JAKMIP2: variants seen among roughly 807,000 people sequenced by gnomAD.
The protein encoded by JAKMIP2 is janus kinase and microtubule-interacting protein 2.
Under a neutral mutation model 115.0 loss-of-function variants are expected in JAKMIP2, and 25 were observed. The ratio of observed to expected loss-of-function variants is 0.22; its 90% CI spans 0.16 to 0.30. The LOEUF (loss-of-function observed/expected upper bound fraction) is 0.30. Ranked by LOEUF, JAKMIP2 falls within the 10% of genes least tolerant of loss-of-function variation. The pLI, the probability that JAKMIP2 is intolerant of heterozygous loss-of-function variation, is 1.00. For synonymous variants in JAKMIP2, 334 were observed against 343.6 expected (o/e 0.97, Z 0.31); for missense variants, 642 against 957.6 (o/e 0.67, Z 4.35).
intron 21 of JAKMIP2, among the ~76,000 whole-genome samples, chr5:147,593,832 T>C (rs1755216748): frequency 1.3e-5 from 2 of 152,204 alleles, no homozygotes; most frequent in Admixed American, 6.5e-5. Flanking sequence ...TCCTATTCCA[T>C]GGTAAATAAG....
chr5:147,650,190 C>T (rs1157390634), intron 4 of JAKMIP2, 148 bp downstream of exon 4: 7 of 622,646 alleles, frequency 1.1e-5, no homozygotes, highest in Non-Finnish European at 1.4e-5. Flanking sequence ...TTAGAAAACC[C>T]TGTTCTCAAG....
rs531368022 is a variant in JAKMIP2, at chr5:147,782,720, G to A, written c.-413C>T. 2 of 586,252 alleles carry A rather than the reference G, an allele frequency of 3.4e-6. No homozygotes were observed. The highest frequency in any genetic ancestry group is 3.1e-5 in the East Asian group (1 of 32,594). 36.3% of individuals were successfully genotyped at this position (586,252 alleles called of 1,614,324 possible). ...GGGCCTCCTCCCTCTCGGAGGATGG[G>A]GTGAGCTCGGAAGCAGCCAGGAACT... On this transcript the variant is annotated 5_prime_UTR_variant, in exon 1 of 22. Coordinates refer to ENST00000616793, the MANE Select transcript of JAKMIP2 (RefSeq NM_001270941.2).
At chr5:147,605,665 G>T (rs573687663) in intron 20 of JAKMIP2, among the ~76,000 whole-genome samples, 1 of 152,172 alleles carries the variant, frequency 6.6e-6, no homozygotes, top group Admixed American at 6.6e-5. Flanking sequence ...CCAGTAATGG[G>T]TTTATAATTT....
At position 147,588,235 on chromosome 5, in the gene JAKMIP2, T is replaced by C. The variant is rs1240405091; in HGVS notation, c.*3472A>G. ...ATTGGGTCTTTTATTTATCTCAAAT[T>C]ATCTTTAGTAGTCAGTTATGTTTAT... On this transcript the variant is annotated 3_prime_UTR_variant, in exon 22 of 22. Coordinates refer to ENST00000616793, the MANE Select transcript of JAKMIP2 (RefSeq NM_001270941.2). 1.3e-5 allele frequency: 2 copies of C among 152,134 alleles called. No homozygotes were observed. The highest frequency in any genetic ancestry group is 4.8e-5 in the African/African-American group (2 of 41,444). The allele number at this position is 152,134 out of a possible 1,614,324, so 9.4% of individuals were successfully genotyped here.
intron 5 of JAKMIP2, among the ~76,000 whole-genome samples, chr5:147,647,165 G>A (rs1444954147): frequency 6.6e-6 from 1 of 151,794 alleles, no homozygotes; most frequent in Non-Finnish European, 1.5e-5. Context: ...GACTATAGTA[G>A]AATTAAGGTA....
chr5:147,683,066 A>G (rs1393923817), intron 1 of JAKMIP2, among the ~76,000 whole-genome samples: 1 of 152,228 alleles, frequency 6.6e-6, no homozygotes, highest in Non-Finnish European at 1.5e-5. Flanking sequence ...TGTCAACTTC[A>G]TTGGACATGA....
chr5:147,669,034 C>T (rs1759447799), intron 2 of JAKMIP2, among the ~76,000 whole-genome samples: 1 of 152,172 alleles, frequency 6.6e-6, no homozygotes, highest in South Asian at 2.1e-4. Context: ...AAGGTTTCCA[C>T]TTTTTAACTT....
chr5:147,661,089 G>A lies in JAKMIP2; in HGVS notation c.486C>T (p.Ala162=). The change falls in exon 3 of 22, where the codon GCC becomes GCT. Residue 162 remains alanine (A), a synonymous_variant. Coordinates refer to ENST00000616793, the MANE Select transcript of JAKMIP2 (RefSeq NM_001270941.2). ...TCAGAGCCTCGTCCACCTGCTTCTTGGCCGTTTTCAGGTCCGCAATTTCCT... is the reference window on the plus strand; with the variant it reads ...TCAGAGCCTCGTCCACCTGCTTCTTAGCCGTTTTCAGGTCCGCAATTTCCT... ...LLQEIADLKT[A]KKQVDEALSN... 1 of 1,613,866 alleles carries A rather than the reference G, an allele frequency of 6.2e-7. No homozygotes were observed. Among genetic ancestry groups the A allele is most frequent in the Non-Finnish European group, 8.5e-7 (1 of 1,179,976 alleles).
rs867552729 is a variant in JAKMIP2 at position 147,617,273 on chromosome 5, T to A, written c.2346+638A>T. Among the ~76,000 whole-genome samples the A allele has an allele frequency of 1.3e-4, 20 of 152,338 alleles. 4 individuals are homozygous for A. The Middle Eastern group carries it at 0.044, about 337-fold the overall frequency. On this transcript the variant is annotated intron_variant, in intron 19 of 21. Transcript: ENST00000616793. ...AGCAGACCTAGGCTGTCATCCTGAC[T>A]GTTGCTTACCATCTGTGTTATCTTG...
chr5:147,604,682 C>T (rs953764009), intron 20 of JAKMIP2, among the ~76,000 whole-genome samples: 1 of 152,048 alleles, frequency 6.6e-6, no homozygotes, highest in South Asian at 2.1e-4. Context: ...AACATTTTAC[C>T]ATACAGGGAT....
At chr5:147,708,585 A>G (rs1300171696) in intron 1 of JAKMIP2, among the ~76,000 whole-genome samples, 4 of 152,302 alleles carry the variant, frequency 2.6e-5, no homozygotes, top group Middle Eastern at 6.8e-3. Flanking sequence ...TTTCATTCAC[A>G]GTTTTAACTT....
At chr5:147,648,162 G>T (rs1393891555) in intron 5 of JAKMIP2, among the ~76,000 whole-genome samples, 1 of 152,142 alleles carries the variant, frequency 6.6e-6, no homozygotes, top group African/African-American at 2.4e-5. Context: ...ATTGGGAGGG[G>T]TCACAAGAAG....
At chr5:147,695,935 A>G (rs1050600165) in intron 1 of JAKMIP2, among the ~76,000 whole-genome samples, 2 of 152,178 alleles carry the variant, frequency 1.3e-5, no homozygotes, top group East Asian at 1.9e-4. Context: ...TGAAGTGTTT[A>G]AAGTCTGAAC....
At chr5:147,770,012 G>A (rs141843319) in intron 1 of JAKMIP2, among the ~76,000 whole-genome samples, 1 of 152,124 alleles carries the variant, frequency 6.6e-6, no homozygotes, top group African/African-American at 2.4e-5. Context: ...CACCTACAAC[G>A]AATTCCTTTT....
chr5:147,729,631 G>A (rs1354657015), intron 1 of JAKMIP2, among the ~76,000 whole-genome samples: 2 of 151,888 alleles, frequency 1.3e-5, no homozygotes, highest in Admixed American at 6.6e-5. Context: ...AAAATTAGCC[G>A]GGCGTGGTGG....
chr5:147,650,335 T>C lies in JAKMIP2; in HGVS notation c.837+3A>G. On this transcript the variant is annotated splice_donor_region_variant and intron_variant, in intron 4 of 21. Coordinates refer to ENST00000616793, the MANE Select transcript of JAKMIP2 (RefSeq NM_001270941.2). ...TTCTTAACTTCAACTAGAATGGACT[T>C]ACAGGACTGCTGCAGTGTTCGGAAC... 4.4e-6 allele frequency: 7 copies of C among 1,594,450 alleles called. No individual in the cohort carries two copies. Among genetic ancestry groups the C allele is most frequent in the Non-Finnish European group, 6.0e-6 (7 of 1,162,076 alleles).
At chr5:147,743,220 TG>T in intron 1 of JAKMIP2, among the ~76,000 whole-genome samples, 1 of 152,248 alleles carries the variant, frequency 6.6e-6, no homozygotes, top group East Asian at 1.9e-4. Context: ...AAGCCAAGGC[TG>T]TCTGACCTGA....
chr5:147,754,003 C>A (rs918091869), intron 1 of JAKMIP2, among the ~76,000 whole-genome samples: 26 of 152,124 alleles, frequency 1.7e-4, no homozygotes, highest in African/African-American at 6.3e-4. Flanking sequence ...ACTGACATCA[C>A]TGACATCACT....
chr5:147,715,645 C>T (rs1402942328), intron 1 of JAKMIP2, among the ~76,000 whole-genome samples: 1 of 151,512 alleles, frequency 6.6e-6, no homozygotes, highest in Non-Finnish European at 1.5e-5. Context: ...TATATTAATA[C>T]AGCTTCAAAA....
Sources: gnomAD v4.1 joint callset for allele counts (sites outside exome capture counted in the v4.1 genomes callset) on GRCh38, gnomAD v4.1.1 for gene constraint, MANE v1.5 for transcripts, NCBI Gene and HGNC (gene_info 2026-07-23, HGNC 2026-07-21) for gene names.